The following DSCAML1 variants were observed in gnomAD, a reference collection of about 807,000 sequenced individuals.
The protein encoded by DSCAML1 is DS cell adhesion molecule like 1.
A neutral mutation model predicts 200.5 loss-of-function variants in DSCAML1; 38 were observed. The ratio of observed to expected loss-of-function variants is 0.19; its 90% confidence interval spans 0.15 to 0.25. The LOEUF (loss-of-function observed/expected upper bound fraction) is 0.25, where lower values mean the gene tolerates loss of function less well. Ranked by LOEUF, DSCAML1 falls within the 10% of genes least tolerant of loss-of-function variation. The probability of loss-of-function intolerance (pLI) is 1.00; values close to 1 mark genes in which losing one functional copy is unlikely to be tolerated. For synonymous variants in DSCAML1, 1,215 were observed against 1,165.0 expected, an observed-to-expected ratio of 1.04 and a Z score of -0.87; for missense variants, 2,223 against 2,858.8, an observed-to-expected ratio of 0.78 and a Z score of 5.07.
chr11:117,482,137 G>C lies in DSCAML1; in HGVS notation c.2385C>G (p.Pro795=), dbSNP rs1178081118. Residue 795 remains proline (P), a synonymous_variant, in exon 12 of 33, where the codon CCC becomes CCG. Transcript: ENST00000651296. The stretch of plus-strand genomic sequence containing the variant: ...GGCCCTTGATGGCGATGGTGGTGTT[G>C]GGGTGGGAAGTGATCATGGCCGGGA... ...VKIPAMITSH[P]NTTIAIKGHA... The C allele has an allele frequency of 1.9e-6, 3 of 1,614,024 alleles. No individual in the cohort carries two copies. Among genetic ancestry groups the C allele is most frequent in the Non-Finnish European group, 2.5e-6 (3 of 1,179,990 alleles).
chr11:117,490,844 T>G (rs941841523), intron 11 of DSCAML1, among the ~76,000 whole-genome samples: 1 of 151,942 alleles, frequency 6.6e-6, no homozygotes, highest in Admixed American at 6.5e-5. Flanking sequence ...TGAAGGTGAG[T>G]GGGGGATTTT....
chr11:117,641,778 C>T (rs2052413368), intron 3 of DSCAML1, among the ~76,000 whole-genome samples: 1 of 152,148 alleles, frequency 6.6e-6, no homozygotes, highest in Non-Finnish European at 1.5e-5. Context: ...CATTCTAGGT[C>T]CCATCTCAGG....
chr11:117,718,183 C>T (rs938185874), intron 3 of DSCAML1, among the ~76,000 whole-genome samples: 2 of 152,220 alleles, frequency 1.3e-5, no homozygotes, highest in Non-Finnish European at 2.9e-5. Context: ...GGCATTGCCG[C>T]GCCGGCTCCA....
chr11:117,465,543 G>A (rs1253043708), intron 16 of DSCAML1, among the ~76,000 whole-genome samples: 1 of 152,098 alleles, frequency 6.6e-6, no homozygotes, highest in Admixed American at 6.5e-5. Context: ...CCTCTCTCTG[G>A]CACTCCTTAT....
intron 3 of DSCAML1, among the ~76,000 whole-genome samples, chr11:117,706,979 T>C (rs1431763534): frequency 2.0e-5 from 3 of 152,232 alleles, no homozygotes; most frequent in Non-Finnish European, 4.4e-5. Context: ...TGAAGATGCA[T>C]GCCTCTGTGC....
intron 3 of DSCAML1, among the ~76,000 whole-genome samples, chr11:117,641,447 A>T (rs2052405090): frequency 6.6e-6 from 1 of 152,112 alleles, no homozygotes; most frequent in African/African-American, 2.4e-5. Context: ...CCTGTGTCTC[A>T]CACCCAGCCC....
Position 117,650,701 on chromosome 11 carries a change from G to A in DSCAML1, c.512-118179C>T, listed in dbSNP as rs200122919. 9.4e-3 allele frequency among the ~76,000 whole-genome samples: 760 copies of A among 80,996 alleles called. 8 individuals carry two copies. Among genetic ancestry groups the A allele is most frequent in the East Asian group, 0.041 (175 of 4,318 alleles). The allele number at this position is 80,996 out of a possible 152,430, so 53.1% of individuals were successfully genotyped here. ...TGTGTGTGTGTGTGTGTGTGTGTGT[G>A]CGTGTGTGTGTGTGGTGGGGATTGG... On this transcript the variant is annotated intron_variant, in intron 3 of 32. Transcript: ENST00000651296.
chr11:117,512,643 T>TGTACACAC lies in DSCAML1; in HGVS notation c.1783+3823_1783+3824insGTGTGTAC, dbSNP rs1555179270. 8.7e-3 allele frequency among the ~76,000 whole-genome samples: 1,089 copies of TGTACACAC among 125,168 alleles called. 9 individuals are homozygous for TGTACACAC. Among genetic ancestry groups the TGTACACAC allele is most frequent in the Middle Eastern group, 0.022 (5 of 228 alleles). The allele number at this position is 125,168 out of a possible 152,430, so 82.1% of individuals were successfully genotyped here. A position where few individuals can be genotyped will look rare whatever the true frequency, so the allele number is the denominator to read the frequency against. On this transcript the variant is annotated intron_variant, in intron 8 of 32. Transcript: ENST00000651296. ...GGGAAGGTGTGCATGCAAGCGTGTG[T>TGTACACAC]ACACACACACACACACACACACACA...
At chr11:117,701,475 A>G (rs1339413435) in intron 3 of DSCAML1, among the ~76,000 whole-genome samples, 4 of 152,114 alleles carry the variant, frequency 2.6e-5, no homozygotes. Flanking sequence ...AAATAGTTCA[A>G]TATTTGCCAC....
chr11:117,746,474 A>T (rs1186487999), intron 3 of DSCAML1, among the ~76,000 whole-genome samples: 2 of 152,026 alleles, frequency 1.3e-5, no homozygotes, highest in African/African-American at 2.4e-5. Flanking sequence ...TCTTGGACCC[A>T]GGAGGCCAAG....
At chr11:117,696,296 G>A (rs781192352) in intron 3 of DSCAML1, among the ~76,000 whole-genome samples, 6 of 152,212 alleles carry the variant, frequency 3.9e-5, no homozygotes, top group Admixed American at 2.6e-4. Flanking sequence ...CAATGGTGAG[G>A]AGGGCATCTC....
At chr11:117,664,531 G>A (rs2052932844) in intron 3 of DSCAML1, among the ~76,000 whole-genome samples, 1 of 152,098 alleles carries the variant, frequency 6.6e-6, no homozygotes, top group South Asian at 2.1e-4. Context: ...TTACATTGCT[G>A]TTTTGAGGTG....
chr11:117,577,437 TTTCC>T (rs1335603835), intron 3 of DSCAML1, among the ~76,000 whole-genome samples: 18 of 73,902 alleles, frequency 2.4e-4, no homozygotes, highest in African/African-American at 6.4e-4. Flanking sequence ...TCCTTCCTTC[TTTCC>T]TTCCTTCCTT....
intron 1 of DSCAML1, among the ~76,000 whole-genome samples, chr11:117,785,799 A>G (rs1043075974): frequency 1.3e-5 from 2 of 152,108 alleles, no homozygotes; most frequent in African/African-American, 4.8e-5. Flanking sequence ...ACCAGGTTTG[A>G]CCATTTAATC....
intron 3 of DSCAML1, among the ~76,000 whole-genome samples, chr11:117,584,832 G>A (rs930919787): frequency 2.0e-5 from 3 of 152,190 alleles, no homozygotes; most frequent in Non-Finnish European, 4.4e-5. Flanking sequence ...AAGTGACTCA[G>A]TCTCCTTTTC....
intron 3 of DSCAML1, among the ~76,000 whole-genome samples, chr11:117,750,286 T>C (rs1005433687): frequency 6.6e-6 from 1 of 152,184 alleles, no homozygotes; most frequent in Non-Finnish European, 1.5e-5. Context: ...AGCGGGGATA[T>C]GCAGGTAAAG....
rs145546894 is a variant in DSCAML1, at chr11:117,443,800, C to A, written c.3862+86G>T. On this transcript the variant is annotated intron_variant, in intron 21 of 32. Coordinates refer to ENST00000651296, the MANE Select transcript of DSCAML1 (RefSeq NM_020693.4). ...TGGGTGGCAGATAAAGCGGAGCAGGCAGAGACCCTGTCTGGGGAGAACCAG... is the reference window on the plus strand; with the variant it reads ...TGGGTGGCAGATAAAGCGGAGCAGGAAGAGACCCTGTCTGGGGAGAACCAG... 7 of 1,499,276 alleles carry A rather than the reference C, an allele frequency of 4.7e-6. No individual in the cohort carries two copies. In the East Asian group the frequency reaches 1.6e-4, roughly 35 times the overall value. 92.9% of individuals were successfully genotyped at this position (1,499,276 alleles called of 1,614,324 possible). A position where few individuals can be genotyped will look rare whatever the true frequency, so the allele number is the denominator to read the frequency against.
At chr11:117,660,221 G>A (rs755300906) in intron 3 of DSCAML1, among the ~76,000 whole-genome samples, 6 of 152,152 alleles carry the variant, frequency 3.9e-5, no homozygotes, top group Admixed American at 1.3e-4. Flanking sequence ...TCAGAATGCC[G>A]AGCTCCAGGT....
chr11:117,579,987 C>T (rs1055698477), intron 3 of DSCAML1, among the ~76,000 whole-genome samples: 1 of 152,078 alleles, frequency 6.6e-6, no homozygotes, highest in Non-Finnish European at 1.5e-5. Flanking sequence ...TAGCTGTTTC[C>T]GTCATCAGAG....
Sources: gnomAD v4.1 joint callset for allele counts (sites outside exome capture counted in the v4.1 genomes callset) on GRCh38, gnomAD v4.1.1 for gene constraint, MANE v1.5 for transcripts, NCBI Gene and HGNC (gene_info 2026-07-23, HGNC 2026-07-21) for gene names.